Variants in FBLIM1 observed in about 807,000 individuals in gnomAD.
The protein encoded by FBLIM1 is filamin-binding LIM protein 1.
In FBLIM1, 29 loss-of-function variants were observed where a neutral mutation model predicts 37.4. The ratio of observed to expected loss-of-function variants is 0.77; its 90% CI spans 0.58 to 1.06. FBLIM1 has a LOEUF of 1.06. Among genes scored for constraint, FBLIM1 ranks in the 50% least tolerant of loss-of-function variants. The pLI is 0.00. For missense variants in FBLIM1, 449 were observed against 505.6 expected (o/e 0.89, Z 1.07); for synonymous variants, 193 against 199.0 (o/e 0.97, Z 0.25).
chr1:15,782,810 C>CTTTTT (rs36050598), intron 8 of FBLIM1, among the ~76,000 whole-genome samples: 1 of 132,602 alleles, frequency 7.5e-6, no homozygotes, highest in African/African-American at 2.9e-5. Flanking sequence ...TATAGGGACT[C>CTTTTT]TTTTTTTTTT....
In FBLIM1 at chr1:15,777,177, G is replaced by A. The variant is rs751681000; in HGVS notation, c.898G>A (p.Ala300Thr). Residue 300 changes from alanine (A) to threonine (T), a missense_variant, in exon 8 of 9, where the codon GCC becomes ACC. Physicochemically the swap from Ala to Thr is moderately conservative, Grantham distance 58. Coordinates refer to ENST00000375766, the MANE Select transcript of FBLIM1 (RefSeq NM_017556.4). ...GGGTTCCTTTGCTTCTAGGAAATTCGCCCCCGTCTGCAGCATCTGTGAAAA... is the reference window on the plus strand; with the variant it reads ...GGGTTCCTTTGCTTCTAGGAAATTCACCCCCGTCTGCAGCATCTGTGAAAA... The part of the protein sequence containing the change: ...YCLDDFYRKF[A>T]PVCSICENPI... The A allele has an allele frequency of 6.9e-6, 11 of 1,598,068 alleles. No homozygotes were observed. Among genetic ancestry groups the A allele is most frequent in the East Asian group, 2.2e-5 (1 of 44,456 alleles).
chr1:15,762,235 G>A (rs2068704100), intron 1 of FBLIM1, among the ~76,000 whole-genome samples: 1 of 150,108 alleles, frequency 6.7e-6, no homozygotes, highest in Non-Finnish European at 1.5e-5. Context: ...GACTACAGGT[G>A]CATGCCACCA....
intron 8 of FBLIM1, among the ~76,000 whole-genome samples, chr1:15,784,264 CA>C (rs2069720459): frequency 6.6e-6 from 1 of 152,228 alleles, no homozygotes; most frequent in African/African-American, 2.4e-5. Context: ...CCTGAACCCT[CA>C]GGGGACTTCC....
At chr1:15,760,878 A>G (rs1000528473) in intron 1 of FBLIM1, among the ~76,000 whole-genome samples, 2 of 152,074 alleles carry the variant, frequency 1.3e-5, no homozygotes, top group African/African-American at 4.8e-5. Flanking sequence ...GGGAACTTAC[A>G]CACAGCCTGC....
At chr1:15,774,867 A>C (rs755355480) in intron 7 of FBLIM1, 71 bp downstream of exon 7, 7 of 1,613,084 alleles carry the variant, frequency 4.3e-6, no homozygotes, top group Non-Finnish European at 5.9e-6. Context: ...GAAGGAGCTG[A>C]GCTTGAGTCC....
At position 15,784,857 on chromosome 1, in the gene FBLIM1, C is replaced by T; in HGVS notation, c.*196C>T. 2.1e-6 allele frequency: 1 copy of T among 474,668 alleles called. No homozygotes were observed. The allele number at this position is 474,668 out of a possible 1,614,324, so 29.4% of individuals were successfully genotyped here. On this transcript the variant is annotated 3_prime_UTR_variant, in exon 9 of 9. Coordinates refer to ENST00000375766, the MANE Select transcript of FBLIM1 (RefSeq NM_017556.4). ...CTTCCACTCCTCTACCCTCTGGGCA[C>T]CAGAAGGCTCCTGGACCATGAGCTT...
chr1:15,767,370 T>A lies in FBLIM1; in HGVS notation c.251-6T>A. 1 of 1,546,248 alleles carries A rather than the reference T, an allele frequency of 6.5e-7. No individual in the cohort carries two copies. On this transcript the variant is annotated splice_region_variant and splice_polypyrimidine_tract_variant and intron_variant, in intron 3 of 8. Coordinates refer to ENST00000375766, the MANE Select transcript of FBLIM1 (RefSeq NM_017556.4). ...CTGACCAGCCCTCTCTCCTCCCCCA[T>A]TGCAGGATGCCCACCCCCTCCTCCT...
chr1:15,765,585 T>C lies in FBLIM1; in HGVS notation c.250+352T>C, dbSNP rs2068876924. 6.6e-6 allele frequency among the ~76,000 whole-genome samples: 1 copy of C among 151,902 alleles called. No homozygotes were observed. Among genetic ancestry groups the C allele is most frequent in the African/African-American group, 2.4e-5 (1 of 41,370 alleles). On this transcript the variant is annotated intron_variant, in intron 3 of 8. Coordinates refer to ENST00000375766, the MANE Select transcript of FBLIM1 (RefSeq NM_017556.4). This position sits in a 1 kb window ranked among gnomAD's most constrained non-coding sequence, Gnocchi z 5.9. ...TACCCTCAAGCAGAGCACGGGGATC[T>C]TGGGGTTCAGTCTCCCTGAAGTGAG... is the stretch of plus-strand genomic sequence containing the variant.
At chr1:15,777,864 C>A (rs958749329) in intron 8 of FBLIM1, among the ~76,000 whole-genome samples, 1 of 152,118 alleles carries the variant, frequency 6.6e-6, no homozygotes, top group African/African-American at 2.4e-5. Context: ...TGAGCAACCA[C>A]GCCCAGCCTC....
chr1:15,774,768 G>A lies in FBLIM1; in HGVS notation c.862G>A (p.Glu288Lys), dbSNP rs923782709. ...DESFALGSQN[E>K]VYCLDDFYRK... is the part of the protein sequence containing the mutation. ...GAGCTTTGCCCTGGGCAGCCAGAACGAGGTGTACTGCCTGGACGACTTCTA... is the reference window on the plus strand; with the variant it reads ...GAGCTTTGCCCTGGGCAGCCAGAACAAGGTGTACTGCCTGGACGACTTCTA... Residue 288 changes from glutamate to lysine, a missense_variant, in exon 7 of 9, where the codon GAG becomes AAG. Glu to Lys is a moderately conservative substitution (Grantham distance 56, BLOSUM62 1). Coordinates refer to ENST00000375766, the MANE Select transcript of FBLIM1 (RefSeq NM_017556.4). 8.7e-6 allele frequency: 14 copies of A among 1,614,066 alleles called. No individual in the cohort carries two copies. Among genetic ancestry groups the A allele is most frequent in the African/African-American group, 1.3e-5 (1 of 74,928 alleles).
chr1:15,786,436 TTC>T lies in FBLIM1; in HGVS notation c.*1777_*1778del, dbSNP rs2069768222. 6.6e-6 allele frequency: 1 copy of T among 152,284 alleles called. No individual in the cohort carries two copies. Among genetic ancestry groups the T allele is most frequent in the Admixed American group, 6.5e-5 (1 of 15,286 alleles). 9.4% of individuals were successfully genotyped at this position (152,284 alleles called of 1,614,324 possible). A position where few individuals can be genotyped will look rare whatever the true frequency, so the allele number is the denominator to read the frequency against. Reference sequence around the variant, plus strand: ...AATTGTTATAACCAAAGGCCTCCTGTTCTGTTATTTCACTTAAATCAACATGC... The same window carrying T: ...AATTGTTATAACCAAAGGCCTCCTGTTGTTATTTCACTTAAATCAACATGC... On this transcript the variant is annotated 3_prime_UTR_variant, in exon 9 of 9. Coordinates refer to ENST00000375766, the MANE Select transcript of FBLIM1 (RefSeq NM_017556.4).
rs1393719945 is a variant in FBLIM1, at chr1:15,773,575, G to A, written c.712-1043G>A. On this transcript the variant is annotated intron_variant, in intron 6 of 8. Transcript: ENST00000375766. ...CATGCCTGTAATCCCACCTACTCGG[G>A]AGGCTGAGGCAGGAGAATTGCTTTA... 4.6e-5 allele frequency among the ~76,000 whole-genome samples: 7 copies of A among 151,730 alleles called. No homozygotes were observed. The East Asian group carries it at 1.4e-3, about 30-fold the overall frequency.
chr1:15,757,716 C>CCTCA (rs1261532401), upstream of FBLIM1, among the ~76,000 whole-genome samples: 1 of 146,680 alleles, frequency 6.8e-6, no homozygotes, highest in African/African-American at 2.5e-5. This position sits in a 1 kb window ranked among gnomAD's most constrained non-coding sequence, Gnocchi z 4.1. Context: ...GCTCCTCAAG[C>CCTCA]CTCAGCCACT....
At position 15,765,371 on chromosome 1, in the gene FBLIM1, C is replaced by G. The variant is rs1441596308; in HGVS notation, c.250+138C>G. ...ATCAACGGGAAACAAAAAGATGTGC[C>G]CCTTCTGGGTGGGCAAGGGAGCCCG... On this transcript the variant is annotated intron_variant, in intron 3 of 8. Coordinates refer to ENST00000375766, the MANE Select transcript of FBLIM1 (RefSeq NM_017556.4). The surrounding 1 kb of genome is among the most constrained non-coding windows in gnomAD (Gnocchi z 5.9). 1 of 1,269,478 alleles carries G rather than the reference C, an allele frequency of 7.9e-7. No homozygotes were observed. The highest frequency in any genetic ancestry group is 1.1e-6 in the Non-Finnish European group (1 of 939,832). The allele number at this position is 1,269,478 out of a possible 1,614,324, so 78.6% of individuals were successfully genotyped here.
chr1:15,784,730 C>A lies in FBLIM1; in HGVS notation c.*69C>A. The A allele has an allele frequency of 1.5e-6, 2 of 1,362,792 alleles. No homozygotes were observed. Among genetic ancestry groups the A allele is most frequent in the Admixed American group, 1.7e-5 (1 of 57,316 alleles). The allele number at this position is 1,362,792 out of a possible 1,614,324, so 84.4% of individuals were successfully genotyped here. A position where few individuals can be genotyped will look rare whatever the true frequency, so the allele number is the denominator to read the frequency against. On this transcript the variant is annotated 3_prime_UTR_variant, in exon 9 of 9. Transcript: ENST00000375766. ...GCCCTTCCCTGACTTGGTTTCCCTT[C>A]CTAACCTGCTCTTGCACACTTTCCT...
intron 1 of FBLIM1, among the ~76,000 whole-genome samples, chr1:15,762,220 C>T (rs2068703148): frequency 1.3e-5 from 2 of 150,438 alleles, no homozygotes; most frequent in Non-Finnish European, 2.9e-5. Context: ...TCCTAAGTAG[C>T]TGGGGACTAC....
chr1:15,774,832 G>A, intron 7 of FBLIM1, 36 bp downstream of exon 7: 1 of 1,613,952 alleles, frequency 6.2e-7, no homozygotes, highest in African/African-American at 1.3e-5. Flanking sequence ...TGGGGTGCAG[G>A]GACAGGGCGA....
rs2069148617 is a variant in FBLIM1, at chr1:15,770,479, C to T, written c.612C>T (p.Tyr204=). The change falls in exon 6 of 9, where the codon TAC becomes TAT. Residue 204 remains tyrosine, a synonymous_variant. Transcript: ENST00000375766. ...ELAVEAMKRQ[Y]HAQCFTCRTC... is the part of the protein sequence containing the mutation. ...CTGTGGAGGCCATGAAGAGGCAGTA[C>T]CATGCCCAGTGCTTCACGTGCCGCA... is the stretch of plus-strand genomic sequence containing the variant. 1 of 1,613,798 alleles carries T rather than the reference C, an allele frequency of 6.2e-7. No homozygotes were observed. Among genetic ancestry groups the T allele is most frequent in the Non-Finnish European group, 8.5e-7 (1 of 1,179,986 alleles).
At chr1:15,767,346 T>C in intron 3 of FBLIM1, 30 bp from the exon 4 acceptor site, 2 of 1,526,248 alleles carry the variant, frequency 1.3e-6, no homozygotes, top group Non-Finnish European at 8.7e-7. Context: ...TGGGAGGCTC[T>C]GACCAGCCCT....
Sources: allele counts gnomAD v4.1 joint callset (sites outside exome capture counted in the v4.1 genomes callset), GRCh38; gene constraint gnomAD v4.1.1; non-coding constraint Gnocchi (gnomAD v3.1); transcripts MANE v1.5; gene names NCBI Gene and HGNC (gene_info 2026-07-23, HGNC 2026-07-21).